Variants in JMY observed in about 807,000 individuals in gnomAD.
JMY encodes the protein junction mediating and regulatory protein, p53 cofactor.
In JMY, 46 loss-of-function variants were observed where a neutral mutation model predicts 103.3. That is an observed-to-expected ratio of 0.45 (90% CI 0.35 to 0.57). JMY has a LOEUF of 0.57. Ranked by LOEUF, JMY falls within the 20% of genes least tolerant of loss-of-function variation. JMY has a pLI of 0.00. For synonymous variants in JMY, 526 were observed against 489.3 expected, an observed-to-expected ratio of 1.07 and a Z score of -0.99; for missense variants, 1,238 against 1,255.2, an observed-to-expected ratio of 0.99 and a Z score of 0.21.
At chr5:79,289,250 AAAAG>A (rs1746355999) in intron 2 of JMY, among the ~76,000 whole-genome samples, 1 of 151,588 alleles carries the variant, frequency 6.6e-6, no homozygotes, top group African/African-American at 2.4e-5. Context: ...AAAAAAAAAA[AAAAG>A]GAGAATATGG....
intron 6 of JMY, among the ~76,000 whole-genome samples, chr5:79,301,239 A>T (rs967747610): frequency 2.0e-5 from 3 of 152,190 alleles, no homozygotes; most frequent in Non-Finnish European, 4.4e-5. Context: ...ACATTTTAGA[A>T]TGTTTGATTC....
chr5:79,314,732 A>G lies in JMY; in HGVS notation c.2540A>G (p.Asn847Ser), dbSNP rs745315550. The G allele has an allele frequency of 1.3e-6, 2 of 1,592,314 alleles. No individual in the cohort carries two copies. Among genetic ancestry groups the G allele is most frequent in the African/African-American group, 2.7e-5 (2 of 73,292 alleles). ...AAAGATCTGCCTAGAAAGGAGGGGA[A>G]TGAGAAGAGGATCCCAAAGTCAGCC... ...LEKDLPRKEG[N>S]EKRIPKSASA... The change falls in exon 9 of 11, where the codon AAT becomes AGT. Residue 847 changes from asparagine (N) to serine (S), a missense_variant. Physicochemically the swap from Asn to Ser is conservative, Grantham distance 46. Transcript: ENST00000396137.
chr5:79,299,987 T>TAC (rs761197127), intron 4 of JMY, among the ~76,000 whole-genome samples, 166 bp from the exon 5 acceptor site: 1 of 150,386 alleles, frequency 6.6e-6, no homozygotes, highest in Non-Finnish European at 1.5e-5. Flanking sequence ...GTTTTATACA[T>TAC]ATATATATAT....
chr5:79,265,484 G>A (rs1478091782), intron 1 of JMY, among the ~76,000 whole-genome samples: 1 of 152,070 alleles, frequency 6.6e-6, no homozygotes, highest in African/African-American at 2.4e-5. Flanking sequence ...CAAGTTCCTA[G>A]GTGACACCAA....
chr5:79,304,852 A>G (rs1195459137), intron 6 of JMY, among the ~76,000 whole-genome samples: 5 of 152,214 alleles, frequency 3.3e-5, no homozygotes, highest in African/African-American at 9.7e-5. Context: ...GTGGACCTGT[A>G]TCCTCATTTA....
intron 4 of JMY, among the ~76,000 whole-genome samples, chr5:79,297,491 A>G (rs1241233826): frequency 6.6e-6 from 1 of 152,204 alleles, no homozygotes; most frequent in Non-Finnish European, 1.5e-5. Flanking sequence ...ATGTTAAAAC[A>G]GGGAGGAAAT....
At chr5:79,318,900 G>T (rs1465543887) in intron 10 of JMY, among the ~76,000 whole-genome samples, 1 of 152,062 alleles carries the variant, frequency 6.6e-6, no homozygotes, top group African/African-American at 2.4e-5. Flanking sequence ...CCACTTTACA[G>T]TTCTTACTAC....
intron 1 of JMY, among the ~76,000 whole-genome samples, chr5:79,257,237 T>C (rs1745273095): frequency 6.6e-6 from 1 of 152,018 alleles, no homozygotes; most frequent in Non-Finnish European, 1.5e-5. Flanking sequence ...CATGCCCGGC[T>C]AAGTTCCATA....
chr5:79,243,536 A>G (rs988853339), intron 1 of JMY, among the ~76,000 whole-genome samples: 22 of 152,226 alleles, frequency 1.4e-4, no homozygotes, highest in Admixed American at 1.1e-3. Flanking sequence ...AGGATATTAC[A>G]TGTTGAGGAC....
At chr5:79,300,996 T>C (rs1363942789) in intron 6 of JMY, 133 bp downstream of exon 6, 4 of 677,376 alleles carry the variant, frequency 5.9e-6, no homozygotes, top group Non-Finnish European at 9.7e-6. Flanking sequence ...TCAATGCGTT[T>C]ATAGTGCTCT....
chr5:79,288,234 C>G (rs904592652), intron 2 of JMY, among the ~76,000 whole-genome samples: 13 of 152,168 alleles, frequency 8.5e-5, no homozygotes, highest in Non-Finnish European at 1.8e-4. Flanking sequence ...TCATTACTTT[C>G]ATTTTTCTCT....
chr5:79,286,666 A>G (rs537248570), intron 2 of JMY, among the ~76,000 whole-genome samples: 2 of 152,142 alleles, frequency 1.3e-5, no homozygotes, highest in East Asian at 1.9e-4. Context: ...CCATAATGCA[A>G]GTTTTACACT....
At chr5:79,280,927 C>T (rs1561302357) in intron 2 of JMY, among the ~76,000 whole-genome samples, 1 of 143,278 alleles carries the variant, frequency 7.0e-6, no homozygotes, top group African/African-American at 2.6e-5. Flanking sequence ...CTTTTTAAAT[C>T]TGGAGGAGCT....
At chr5:79,274,359 T>C (rs1019193725) in intron 1 of JMY, among the ~76,000 whole-genome samples, 9 of 152,190 alleles carry the variant, frequency 5.9e-5, no homozygotes, top group Non-Finnish European at 1.3e-4. Context: ...TTTCATCTTA[T>C]GATTGGTCTT....
chr5:79,313,107 G>A (rs7721428), intron 8 of JMY, among the ~76,000 whole-genome samples: 3,176 of 152,198 alleles, frequency 0.021, 131 homozygotes, highest in African/African-American at 0.072. Context: ...AAGTGTTACA[G>A]TGGAAAAAAA....
chr5:79,244,060 G>A (rs1744820056), intron 1 of JMY, among the ~76,000 whole-genome samples: 1 of 151,196 alleles, frequency 6.6e-6, no homozygotes, highest in African/African-American at 2.4e-5. Flanking sequence ...GAGTGCAGTG[G>A]TGTGATCTCG....
At chr5:79,284,675 T>TA (rs1195632021) in intron 2 of JMY, 1 of 1,586,032 alleles carries the variant, frequency 6.3e-7, no homozygotes, top group African/African-American at 1.3e-5. Context: ...TTGAATTTTC[T>TA]AAGTGCAACT....
In JMY at chr5:79,236,141, C is replaced by T. The variant is rs1159839637; in HGVS notation, c.-510C>T. The T allele has an allele frequency of 6.6e-6, 1 of 151,114 alleles. No homozygotes were observed. Among genetic ancestry groups the T allele is most frequent in the African/African-American group, 2.4e-5 (1 of 41,272 alleles). The allele number at this position is 151,114 out of a possible 1,614,324, so 9.4% of individuals were successfully genotyped here. A position where few individuals can be genotyped will look rare whatever the true frequency, so the allele number is the denominator to read the frequency against. On this transcript the variant is annotated 5_prime_UTR_variant, in exon 1 of 11. Coordinates refer to ENST00000396137, the MANE Select transcript of JMY (RefSeq NM_152405.5). ...GCCGCCGACGTCAGCAGTCGAATGG[C>T]AACATTGTGGCGATGCTGAGGCGCA... is the stretch of plus-strand genomic sequence containing the variant.
intron 1 of JMY, among the ~76,000 whole-genome samples, chr5:79,262,569 G>A (rs1224359906): frequency 2.6e-5 from 4 of 152,186 alleles, no homozygotes; most frequent in Non-Finnish European, 5.9e-5. Context: ...GTTATAAAAT[G>A]CATTCCCTGT....
Sources: gnomAD v4.1 joint callset for allele counts (sites outside exome capture counted in the v4.1 genomes callset) on GRCh38, gnomAD v4.1.1 for gene constraint, MANE v1.5 for transcripts, NCBI Gene and HGNC (gene_info 2026-07-23, HGNC 2026-07-21) for gene names.